Variants in SAMD3 observed in about 807,000 individuals in gnomAD.
SAMD3 encodes the protein sterile alpha motif domain containing 3.
SAMD3 carries 63 observed loss-of-function variants against 58.5 expected under a neutral mutation model. The observed-to-expected ratio is 1.08, with a 90% CI of 0.88 to 1.33. The LOEUF (loss-of-function observed/expected upper bound fraction) is 1.33, where lower values mean the gene tolerates loss of function less well. Among genes scored for constraint, SAMD3 ranks in the 40% most tolerant of loss-of-function variants. The pLI is 0.00. For missense variants in SAMD3, 604 were observed against 608.4 expected (o/e 0.99, Z 0.08); for synonymous variants, 220 against 210.3 (o/e 1.05, Z -0.40).
chr6:130,174,064 C>T (rs34703756), intron 8 of SAMD3, among the ~76,000 whole-genome samples: 5,907 of 152,340 alleles, frequency 0.039, 163 homozygotes, highest in Non-Finnish European at 0.061. Context: ...CTTCAGACTG[C>T]TGTGCTGGCA....
intron 9 of SAMD3, among the ~76,000 whole-genome samples, chr6:130,148,860 T>A (rs1788875808): frequency 6.6e-6 from 1 of 151,948 alleles, no homozygotes; most frequent in Non-Finnish European, 1.5e-5. Context: ...AGAGAGACTT[T>A]CTCAAAAAAA....
chr6:130,324,922 A>T (rs1776706624), intron 1 of SAMD3, among the ~76,000 whole-genome samples: 1 of 152,130 alleles, frequency 6.6e-6, no homozygotes, highest in African/African-American at 2.4e-5. Context: ...CTTGCCAAGG[A>T]GCCAGGGGTT....
chr6:130,360,734 G>A (rs1777960853), intron 1 of SAMD3, among the ~76,000 whole-genome samples: 1 of 152,146 alleles, frequency 6.6e-6, no homozygotes, highest in Non-Finnish European at 1.5e-5. Flanking sequence ...TTCCTAATAA[G>A]CCTGGGAGCG....
At position 130,354,630 on chromosome 6, in the gene SAMD3, C is replaced by A. The variant is rs539971701; in HGVS notation, c.-304+10490G>T. 7.2e-5 allele frequency among the ~76,000 whole-genome samples: 11 copies of A among 151,878 alleles called. No homozygotes were observed. In the East Asian group the frequency reaches 2.1e-3, roughly 30 times the overall value. ...TAAGTGGGAGCTAAATGATGAGAAA[C>A]AACAGACACTGGGGCCTATGTGAGG... On this transcript the variant is annotated intron_variant, in intron 1 of 13. Transcript: ENST00000368134.
At chr6:130,226,661 T>C (rs1796389640), upstream of SAMD3, among the ~76,000 whole-genome samples, 1 of 152,166 alleles carries the variant, frequency 6.6e-6, no homozygotes, top group Non-Finnish European at 1.5e-5. Context: ...ACCCCGTCTC[T>C]ACTAAAAATA....
intron 8 of SAMD3, among the ~76,000 whole-genome samples, chr6:130,174,173 C>T (rs953994114): frequency 1.6e-4 from 25 of 152,268 alleles, no homozygotes; most frequent in Non-Finnish European, 3.1e-4. Context: ...GCCTCTTTTC[C>T]AGGGGATTGA....
intron 8 of SAMD3, chr6:130,162,048 T>G (rs2114616247): frequency 2.0e-6 from 1 of 492,002 alleles, no homozygotes; most frequent in Non-Finnish European, 3.6e-6. Flanking sequence ...GGACTCACCT[T>G]TGAGATGTGT....
intron 1 of SAMD3, among the ~76,000 whole-genome samples, chr6:130,221,028 G>A (rs1030073566): frequency 1.3e-5 from 2 of 151,854 alleles, no homozygotes; most frequent in Non-Finnish European, 2.9e-5. Context: ...TAATTTTTTT[G>A]TGTTTTTAGT....
chr6:130,264,244 C>T (rs979719042), intron 2 of SAMD3, among the ~76,000 whole-genome samples: 3 of 152,188 alleles, frequency 2.0e-5, no homozygotes, highest in Non-Finnish European at 4.4e-5. Context: ...TCTCTGTGTT[C>T]TATCCCGAAG....
chr6:130,246,848 C>T (rs992730546), intron 2 of SAMD3, among the ~76,000 whole-genome samples: 2 of 152,032 alleles, frequency 1.3e-5, no homozygotes, highest in Non-Finnish European at 2.9e-5. Context: ...TAGATTGTGC[C>T]GTTGCACTCC....
chr6:130,195,714 A>T (rs140089473), intron 5 of SAMD3, among the ~76,000 whole-genome samples: 3 of 152,246 alleles, frequency 2.0e-5, no homozygotes, highest in East Asian at 1.9e-4. Context: ...GGCTTCACAG[A>T]CATCCCTCAT....
chr6:130,349,064 G>A (rs555496907), intron 1 of SAMD3, among the ~76,000 whole-genome samples: 5 of 152,186 alleles, frequency 3.3e-5, no homozygotes, highest in African/African-American at 1.2e-4. Context: ...GCATCTCTGG[G>A]ACACATTCAA....
At chr6:130,336,222 A>G (rs1314524617) in intron 1 of SAMD3, among the ~76,000 whole-genome samples, 1 of 152,208 alleles carries the variant, frequency 6.6e-6, no homozygotes, top group African/African-American at 2.4e-5. Flanking sequence ...TGTTACATAA[A>G]TTATCTCTTT....
At chr6:130,327,477 T>G (rs1207065278) in intron 1 of SAMD3, among the ~76,000 whole-genome samples, 1 of 152,196 alleles carries the variant, frequency 6.6e-6, no homozygotes, top group Non-Finnish European at 1.5e-5. Flanking sequence ...AATTCTCTAT[T>G]TAGTAACTAG....
In SAMD3 at chr6:130,154,718, AATATAT is replaced by A. The variant is rs147697847; in HGVS notation, c.1023+101_1023+106del. 1.8e-3 allele frequency: 127 copies of A among 72,480 alleles called. 1 individual carries two copies. The highest frequency in any genetic ancestry group is 5.4e-3 in the African/African-American group (82 of 15,258). 4.5% of individuals were successfully genotyped at this position (72,480 alleles called of 1,614,324 possible). ...CTGAAAAAAAAAAAAAAAAAAAAAA[AATATAT>A]ATATATATATATATATATGTATGTA... On this transcript the variant is annotated intron_variant, in intron 9 of 11. Coordinates refer to ENST00000439090, the MANE Select transcript of SAMD3 (RefSeq NM_001017373.4).
rs373602522 is a variant in SAMD3, at chr6:130,351,697, C to G, written c.-304+13423G>C. Reference sequence around the variant, plus strand: ...AGAACTAGAAATACCATTTGACCCACCCATCCCATTACTGGGTATATACCC... The same window carrying G: ...AGAACTAGAAATACCATTTGACCCAGCCATCCCATTACTGGGTATATACCC... On this transcript the variant is annotated intron_variant, in intron 1 of 13. Coordinates refer to the SAMD3 transcript ENST00000368134. 4.9e-4 allele frequency among the ~76,000 whole-genome samples: 75 copies of G among 152,242 alleles called. 1 individual carries two copies. The East Asian group carries it at 6.0e-3, about 12-fold the overall frequency.
At chr6:130,356,739 T>C (rs1251785808) in intron 1 of SAMD3, among the ~76,000 whole-genome samples, 1 of 152,248 alleles carries the variant, frequency 6.6e-6, no homozygotes, top group Non-Finnish European at 1.5e-5. Flanking sequence ...GTGGAGCTCA[T>C]TGAATTGAGC....
At chr6:130,201,946 C>T (rs1280549100) in intron 5 of SAMD3, among the ~76,000 whole-genome samples, 9 of 152,138 alleles carry the variant, frequency 5.9e-5, no homozygotes, top group Non-Finnish European at 1.2e-4. Context: ...TGCAGGTACT[C>T]GCTTACATAT....
chr6:130,309,564 G>A (rs986609989), intron 2 of SAMD3, among the ~76,000 whole-genome samples: 2 of 152,174 alleles, frequency 1.3e-5, no homozygotes, highest in Non-Finnish European at 2.9e-5. Flanking sequence ...AGAACAAGTA[G>A]CACAGGTGTG....
Sources: allele counts gnomAD v4.1 joint callset (sites outside exome capture counted in the v4.1 genomes callset), GRCh38; gene constraint gnomAD v4.1.1; transcripts MANE v1.5; gene names NCBI Gene and HGNC (gene_info 2026-07-23, HGNC 2026-07-21).